Variants in BLTP1 observed in about 807,000 individuals in gnomAD.
BLTP1 encodes fragile site-associated protein.
the BLTP1 span, among the ~76,000 whole-genome samples, chr4:122,179,148 TA>T: frequency 6.6e-6 from 1 of 152,088 alleles, no homozygotes; most frequent in South Asian, 2.1e-4. Context: ...GGTGTGCTGG[TA>T]TATGCCAGTA....
At chr4:122,250,019 T>A in the BLTP1 span, 1 of 937,738 alleles carries the variant, frequency 1.1e-6, no homozygotes, top group Non-Finnish European at 1.3e-6. Flanking sequence ...CCATATAGGA[T>A]ATAAAAACTG....
At chr4:122,286,427 A>G in the BLTP1 span, 5 of 1,503,210 alleles carry the variant, frequency 3.3e-6, no homozygotes, top group Non-Finnish European at 3.6e-6. Flanking sequence ...ATATATTTCA[A>G]GATAGGTTTG....
At chr4:122,210,020 C>T in the BLTP1 span, 1 of 1,465,988 alleles carries the variant, frequency 6.8e-7, no homozygotes, top group East Asian at 2.5e-5. Flanking sequence ...TGCATCTATT[C>T]TTGTGACATA....
the BLTP1 span, chr4:122,324,399 C>CA: frequency 2.5e-6 from 4 of 1,602,076 alleles, no homozygotes; most frequent in African/African-American, 4.0e-5. Context: ...CACCTATAGT[C>CA]ACCCTTTTTT....
At chr4:122,189,379 A>G in the BLTP1 span, 1 of 983,512 alleles carries the variant, frequency 1.0e-6, no homozygotes, top group Non-Finnish European at 1.2e-6. Context: ...CTGGGAAATT[A>G]TTGATGGTAG....
At chr4:122,248,162 C>T in the BLTP1 span, 1 of 973,276 alleles carries the variant, frequency 1.0e-6, no homozygotes, top group Non-Finnish European at 1.2e-6. Context: ...AAGCATTTGA[C>T]CTGAGGTTTT....
At chr4:122,263,260 A>G in the BLTP1 span, 1 of 983,962 alleles carries the variant, frequency 1.0e-6, no homozygotes, top group Non-Finnish European at 1.2e-6. Context: ...TTCCCCTGTT[A>G]TAATAAAAAT....
At chr4:122,356,484 A>G in the BLTP1 span, 1 of 871,210 alleles carries the variant, frequency 1.1e-6, no homozygotes, top group South Asian at 1.8e-5. Context: ...AACTATCATC[A>G]TCCTGTAAAT....
chr4:122,170,772 A>G, the BLTP1 span: 5 of 1,530,184 alleles, frequency 3.3e-6, no homozygotes, highest in Non-Finnish European at 4.4e-6. Context: ...CTTCTATTTT[A>G]TTGTGTTTTA....
At chr4:122,155,429 T>G in the BLTP1 span, among the ~76,000 whole-genome samples, 3 of 152,006 alleles carry the variant, frequency 2.0e-5, no homozygotes, top group African/African-American at 7.2e-5. Context: ...GTTCAAGTAA[T>G]TCTCATGCCT....
chr4:122,349,231 T>G, the BLTP1 span: 1 of 1,613,274 alleles, frequency 6.2e-7, no homozygotes. This position sits in a 1 kb window ranked among gnomAD's most constrained non-coding sequence, Gnocchi z 4.5. Context: ...GATCAGCATG[T>G]CTGTTGGTCT....
chr4:122,345,929 T>G, the BLTP1 span: 1 of 660,188 alleles, frequency 1.5e-6, no homozygotes, highest in East Asian at 1.4e-4. Flanking sequence ...ACTTTTAGCT[T>G]AGATGACTGA....
At chr4:122,314,473 T>C in the BLTP1 span, among the ~76,000 whole-genome samples, 3 of 152,108 alleles carry the variant, frequency 2.0e-5, no homozygotes, top group Non-Finnish European at 4.4e-5. Context: ...AAAGTGGTAA[T>C]TGACTAAGAT....
the BLTP1 span, chr4:122,249,746 T>C: frequency 6.3e-7 from 1 of 1,583,010 alleles, no homozygotes; most frequent in Non-Finnish European, 8.6e-7. Context: ...TGCAGAAATG[T>C]TTTGAACAAT....
chr4:122,216,959 C>A, the BLTP1 span, among the ~76,000 whole-genome samples: 1 of 152,166 alleles, frequency 6.6e-6, no homozygotes, highest in Non-Finnish European at 1.5e-5. Flanking sequence ...GAAGAGGATA[C>A]AGTTTCATTC....
chr4:122,220,363 A>G, the BLTP1 span: 29 of 1,613,474 alleles, frequency 1.8e-5, no homozygotes, highest in Admixed American at 6.7e-5. Flanking sequence ...TGAATGCCCT[A>G]CAGCTTTCTT....
At chr4:122,184,310 T>A in the BLTP1 span, among the ~76,000 whole-genome samples, 6 of 152,298 alleles carry the variant, frequency 3.9e-5, no homozygotes, top group Middle Eastern at 3.4e-3. Flanking sequence ...CACCTAAAAT[T>A]ATTTTTTAGA....
the BLTP1 span, among the ~76,000 whole-genome samples, chr4:122,310,395 C>T: frequency 6.6e-6 from 1 of 152,016 alleles, no homozygotes; most frequent in Non-Finnish European, 1.5e-5. Flanking sequence ...GAAAAGCATA[C>T]AGGTTTATTT....
the BLTP1 span, chr4:122,305,030 G>A: frequency 6.6e-7 from 1 of 1,518,038 alleles, no homozygotes; most frequent in Non-Finnish European, 8.9e-7. Flanking sequence ...TTTAAATTTT[G>A]CACATCAATT....
Sources: gnomAD v4.1 joint callset for allele counts (sites outside exome capture counted in the v4.1 genomes callset) on GRCh38, gnomAD v4.1.1 for gene constraint, Gnocchi (gnomAD v3.1) non-coding constraint, MANE v1.5 for transcripts, NCBI Gene and HGNC (gene_info 2026-07-23, HGNC 2026-07-21) for gene names.